The following PAM variants were observed in gnomAD, a reference collection of about 807,000 sequenced individuals.
PAM encodes peptidyl-glycine alpha-amidating monooxygenase.
PAM carries 72 observed loss-of-function variants against 122.1 expected under a neutral mutation model. That is an observed-to-expected ratio of 0.59 (90% confidence interval 0.49 to 0.72). The LOEUF (loss-of-function observed/expected upper bound fraction) is 0.72, where lower values mean the gene tolerates loss of function less well. Ranked by LOEUF, PAM falls within the 30% of genes least tolerant of loss-of-function variation. The pLI, the probability that PAM is intolerant of heterozygous loss-of-function variation, is 0.00. For missense variants in PAM, 1,106 were observed against 1,183.7 expected, an observed-to-expected ratio of 0.93 and a Z score of 0.96; for synonymous variants, 389 against 404.4, an observed-to-expected ratio of 0.96 and a Z score of 0.46.
intron 20 of PAM, 76 bp downstream of exon 20, chr5:103,007,733 C>A (rs1178841890): frequency 2.2e-6 from 2 of 892,098 alleles, no homozygotes; most frequent in Admixed American, 4.6e-5. Flanking sequence ...TCTTAATGTG[C>A]TCTTTTTATA....
At chr5:102,791,890 A>G (rs961256513) in intron 1 of PAM, among the ~76,000 whole-genome samples, 5 of 152,126 alleles carry the variant, frequency 3.3e-5, no homozygotes, top group African/African-American at 1.2e-4. Context: ...AAATATAGCT[A>G]TAGGGAACAT....
At chr5:102,927,716 G>A (rs1358210091) in intron 7 of PAM, among the ~76,000 whole-genome samples, 2 of 150,464 alleles carry the variant, frequency 1.3e-5, no homozygotes, top group Non-Finnish European at 3.0e-5. Context: ...CATTGAAAAT[G>A]TACTATAATC....
intron 5 of PAM, among the ~76,000 whole-genome samples, chr5:102,921,063 T>C (rs925402541): frequency 6.6e-6 from 1 of 152,160 alleles, no homozygotes; most frequent in Non-Finnish European, 1.5e-5. Flanking sequence ...AGACTAGTTT[T>C]ATTTTCAAAT....
chr5:102,884,193 T>C (rs1197608213), intron 3 of PAM, among the ~76,000 whole-genome samples: 1 of 151,836 alleles, frequency 6.6e-6, no homozygotes, highest in East Asian at 1.9e-4. Flanking sequence ...ATTTGGGGAA[T>C]ATATGTTATT....
intron 1 of PAM, among the ~76,000 whole-genome samples, chr5:102,859,933 A>ACC (rs1783685051): frequency 6.6e-6 from 1 of 152,220 alleles, no homozygotes; most frequent in Non-Finnish European, 1.5e-5. Flanking sequence ...TTGGTGTGTC[A>ACC]TAGGCTATAC....
chr5:102,978,140 CAG>C (rs1768391252), intron 15 of PAM, among the ~76,000 whole-genome samples: 1 of 152,102 alleles, frequency 6.6e-6, no homozygotes, highest in Admixed American at 6.5e-5. Flanking sequence ...ATTTGTGAGA[CAG>C]AGAATTTTCT....
At chr5:102,879,608 G>C (rs1790319991) in intron 3 of PAM, among the ~76,000 whole-genome samples, 1 of 152,020 alleles carries the variant, frequency 6.6e-6, no homozygotes, top group East Asian at 1.9e-4. Context: ...TGTAAGACGT[G>C]CCTACTCCCC....
chr5:102,981,010 A>G (rs1769600638), intron 15 of PAM, among the ~76,000 whole-genome samples: 1 of 152,158 alleles, frequency 6.6e-6, no homozygotes, highest in Non-Finnish European at 1.5e-5. Flanking sequence ...TGTTCTAGAT[A>G]TTTACATTAA....
At position 103,007,139 on chromosome 5, in the gene PAM, T is replaced by C. The variant is rs559607898; in HGVS notation, c.2014+128T>C. ...TACAGGGTCATTGTAACCTGGGTCA[T>C]TGTATGCATCCAGTTAGCTTGTCTC... On this transcript the variant is annotated intron_variant, in intron 19 of 25. Coordinates refer to ENST00000438793, the MANE Select transcript of PAM (RefSeq NM_001177306.2). 30 of 668,462 alleles carry C rather than the reference T, an allele frequency of 4.5e-5. No homozygotes were observed. The South Asian group carries it at 5.0e-4, about 11-fold the overall frequency. The allele number at this position is 668,462 out of a possible 1,614,324, so 41.4% of individuals were successfully genotyped here. A position where few individuals can be genotyped will look rare whatever the true frequency, so the allele number is the denominator to read the frequency against.
At chr5:102,784,119 T>G (rs1282363480) in intron 1 of PAM, among the ~76,000 whole-genome samples, 1 of 151,954 alleles carries the variant, frequency 6.6e-6, no homozygotes, top group Admixed American at 6.6e-5. Context: ...GTTCTCGATC[T>G]CCTGACCTTG....
At chr5:102,935,797 A>T (rs1489560977) in intron 7 of PAM, among the ~76,000 whole-genome samples, 2 of 152,210 alleles carry the variant, frequency 1.3e-5, no homozygotes, top group Non-Finnish European at 2.9e-5. Flanking sequence ...AAAGTTATAT[A>T]GTCTAGATCA....
chr5:102,981,429 T>C (rs1375323094), intron 15 of PAM, among the ~76,000 whole-genome samples: 1 of 152,238 alleles, frequency 6.6e-6, no homozygotes, highest in Non-Finnish European at 1.5e-5. Context: ...TCATTGAGTA[T>C]TCTCATAGTA....
At chr5:102,788,870 T>A (rs1161733400) in intron 1 of PAM, among the ~76,000 whole-genome samples, 1 of 152,128 alleles carries the variant, frequency 6.6e-6, no homozygotes, top group Non-Finnish European at 1.5e-5. Context: ...ATGTGTCATC[T>A]GAAAGTGGAG....
At chr5:102,834,433 C>T (rs1017452783) in intron 1 of PAM, among the ~76,000 whole-genome samples, 1 of 152,110 alleles carries the variant, frequency 6.6e-6, no homozygotes, top group Non-Finnish European at 1.5e-5. Flanking sequence ...TATACAAATC[C>T]GTTCTCTCAT....
At chr5:103,023,436 C>G (rs1422740043) in intron 23 of PAM, among the ~76,000 whole-genome samples, 1 of 150,392 alleles carries the variant, frequency 6.6e-6, no homozygotes, top group African/African-American at 2.5e-5. Context: ...CTATTTATTG[C>G]AATTTTCTTA....
chr5:102,914,536 T>C (rs1364176865), intron 5 of PAM, among the ~76,000 whole-genome samples: 1 of 152,134 alleles, frequency 6.6e-6, no homozygotes, highest in Non-Finnish European at 1.5e-5. Context: ...CTGATATTAA[T>C]TTTTTAAGGT....
At chr5:103,011,400 ACTCT>A (rs1198200722) in intron 21 of PAM, among the ~76,000 whole-genome samples, 4 of 124,858 alleles carry the variant, frequency 3.2e-5, no homozygotes, top group Non-Finnish European at 7.0e-5. Context: ...ACACACACAC[ACTCT>A]CTCTCTCTGT....
intron 19 of PAM, among the ~76,000 whole-genome samples, 154 bp downstream of exon 19, chr5:103,007,165 T>TCA (rs113747381): frequency 0.23 from 32,147 of 140,670 alleles, 3,537 homozygotes; most frequent in Middle Eastern, 0.26. Flanking sequence ...AGCTTGTCTC[T>TCA]CACACACACA....
At position 102,893,327 on chromosome 5, in the gene PAM, C is replaced by T. The variant is rs115185623; in HGVS notation, c.211-8029C>T. On this transcript the variant is annotated intron_variant, in intron 3 of 25. Transcript: ENST00000438793. ...TCTTCCTTTTATTTAGAAAGGTATT[C>T]CCCTATGTCATGCTTTCTCCCTTTC... is the stretch of plus-strand genomic sequence containing the variant. Among the ~76,000 whole-genome samples, 1,219 of 151,842 alleles carry T rather than the reference C, an allele frequency of 8.0e-3. 22 individuals are homozygous for T. The highest frequency in any genetic ancestry group is 0.027 in the African/African-American group (1,139 of 41,478).
Sources: allele counts gnomAD v4.1 joint callset (sites outside exome capture counted in the v4.1 genomes callset), GRCh38; gene constraint gnomAD v4.1.1; transcripts MANE v1.5; gene names NCBI Gene and HGNC (gene_info 2026-07-23, HGNC 2026-07-21).